STEAP1: variants seen among roughly 807,000 people sequenced by gnomAD.
STEAP1 encodes the protein STEAP family member 1.
Under a neutral mutation model 34.4 loss-of-function variants are expected in STEAP1, and 30 were observed. The ratio of observed to expected loss-of-function variants is 0.87; its 90% CI spans 0.65 to 1.18. The LOEUF (loss-of-function observed/expected upper bound fraction) is 1.18. STEAP1 is among the 50% of genes most tolerant of loss of function. The pLI is 0.00. For missense variants in STEAP1, 318 were observed against 391.1 expected (o/e 0.81, Z 1.58); for synonymous variants, 116 against 135.3 (o/e 0.86, Z 0.99).
At position 90,160,816 on chromosome 7, in the gene STEAP1, G is replaced by A. The variant is rs368900941; in HGVS notation, c.96G>A (p.Thr32=). 35 of 1,613,180 alleles carry A rather than the reference G, an allele frequency of 2.2e-5. No individual in the cohort carries two copies. The East Asian group carries it at 5.3e-4, about 25-fold the overall frequency. ...LEEDDYLHKD[T]GETSMLKRPV... is the part of the protein sequence containing the mutation. ...TCTTTCCTTTGTAGCATAAGGACAC[G>A]GGAGAGACCAGCATGCTAAAAAGAC... is the stretch of plus-strand genomic sequence containing the variant. Residue 32 remains threonine (T), a synonymous_variant, in exon 3 of 5, where the codon ACG becomes ACA. Transcript: ENST00000297205.
intron 3 of STEAP1, among the ~76,000 whole-genome samples, 169 bp downstream of exon 3, chr7:90,161,486 G>A (rs570417707): frequency 1.2e-4 from 18 of 152,064 alleles, no homozygotes; most frequent in South Asian, 6.2e-4. Flanking sequence ...GTTGTCAGTC[G>A]GTTTTATATT....
chr7:90,161,759 G>C (rs973609186), intron 3 of STEAP1, among the ~76,000 whole-genome samples, 155 bp from the exon 4 acceptor site: 3 of 150,054 alleles, frequency 2.0e-5, no homozygotes, highest in African/African-American at 7.3e-5. Context: ...ATTTGTCTTA[G>C]AGGAATGCAA....
chr7:90,160,997 G>A lies in STEAP1; in HGVS notation c.277G>A (p.Glu93Lys), dbSNP rs757361648. 1.9e-6 allele frequency: 3 copies of A among 1,613,948 alleles called. No homozygotes were observed. The change falls in exon 3 of 5, where the codon GAA (glutamate) becomes AAA (lysine). Residue 93 changes from glutamate (E) to lysine (K), a missense_variant. Transcript: ENST00000297205. ...GACTTTTCTTTACACTCTTCTGAGG[G>A]AAGTAATTCACCCTTTAGCAACTTC... Reference protein sequence around the residue: ...SLTFLYTLLREVIHPLATSHQ... With the variant: ...SLTFLYTLLRKVIHPLATSHQ...
intron 2 of STEAP1, among the ~76,000 whole-genome samples, chr7:90,160,101 C>T (rs1449368447): frequency 1.3e-5 from 2 of 151,736 alleles, no homozygotes; most frequent in Non-Finnish European, 2.9e-5. Context: ...GAATAAGTTA[C>T]TGAAAATCTG....
chr7:90,163,266 G>A (rs1794209980), intron 4 of STEAP1, among the ~76,000 whole-genome samples: 1 of 152,182 alleles, frequency 6.6e-6, no homozygotes, highest in Non-Finnish European at 1.5e-5. Flanking sequence ...TAATTTTGTA[G>A]GTTCAGCCTG....
In STEAP1 at chr7:90,161,113, G is replaced by T; in HGVS notation, c.393G>T (p.Leu131=). ...VSITLLALVY[L]PGVIAAIVQL... is the part of the protein sequence containing the mutation. ...TCACTCTCTTGGCATTGGTTTACCT[G>T]CCAGGTGTGATAGCAGCAATTGTCC... The change falls in exon 3 of 5, where the codon CTG becomes CTT. Residue 131 remains leucine, a synonymous_variant. Coordinates refer to ENST00000297205, the MANE Select transcript of STEAP1 (RefSeq NM_012449.3). 2 of 1,554,408 alleles carry T rather than the reference G, an allele frequency of 1.3e-6. No homozygotes were observed. Among genetic ancestry groups the T allele is most frequent in the East Asian group, 2.2e-5 (1 of 44,886 alleles).
At chr7:90,162,824 G>A (rs1794204795) in intron 4 of STEAP1, 1 of 203,952 alleles carries the variant, frequency 4.9e-6, no homozygotes, top group Admixed American at 4.7e-5. Context: ...AAATAATAGA[G>A]TTTTTATCTA....
At position 90,161,198 on chromosome 7, in the gene STEAP1, A is replaced by T; in HGVS notation, c.478A>T (p.Thr160Ser). The change falls in exon 3 of 5, where the codon ACA becomes TCA. Residue 160 changes from threonine (T) to serine (S), a missense_variant. Thr to Ser is a moderately conservative substitution (Grantham distance 58). Coordinates refer to ENST00000297205, the MANE Select transcript of STEAP1 (RefSeq NM_012449.3). ...FPHWLDKWMLTRKQFGLLSFF... is the reference protein window; with the variant it reads ...FPHWLDKWMLSRKQFGLLSFF... Reference sequence around the variant, plus strand: ...ACATTGGTTGGATAAGTGGATGTTAACAAGAAAGCAGTTTGGGCTTCTCAG... The same window carrying T: ...ACATTGGTTGGATAAGTGGATGTTATCAAGAAAGCAGTTTGGGCTTCTCAG... 1 of 1,614,114 alleles carries T rather than the reference A, an allele frequency of 6.2e-7. No individual in the cohort carries two copies. Among genetic ancestry groups the T allele is most frequent in the Non-Finnish European group, 8.5e-7 (1 of 1,179,956 alleles).
rs1794181586 is a variant in STEAP1, at chr7:90,161,201, A to G, written c.481A>G (p.Arg161Gly). ...PHWLDKWMLT[R>G]KQFGLLSFFF... ...TTGGTTGGATAAGTGGATGTTAACA[A>G]GAAAGCAGTTTGGGCTTCTCAGTTT... The change falls in exon 3 of 5, where the codon AGA becomes GGA. Residue 161 changes from arginine (R) to glycine (G), a missense_variant. By Grantham distance (125) the Arg-to-Gly change is moderately radical (BLOSUM62 -2). Coordinates refer to ENST00000297205, the MANE Select transcript of STEAP1 (RefSeq NM_012449.3). The G allele has an allele frequency of 6.2e-7, 1 of 1,614,016 alleles. No individual in the cohort carries two copies. The highest frequency in any genetic ancestry group is 1.7e-5 in the Admixed American group (1 of 60,010).
At chr7:90,156,428 C>T (rs1268494948) in intron 1 of STEAP1, among the ~76,000 whole-genome samples, 3 of 152,142 alleles carry the variant, frequency 2.0e-5, no homozygotes, top group Admixed American at 1.3e-4. Flanking sequence ...GCTGTTGTCA[C>T]GTTAGTGCAG....
chr7:90,154,766 C>T (rs1426393650), intron 1 of STEAP1, among the ~76,000 whole-genome samples: 1 of 151,396 alleles, frequency 6.6e-6, no homozygotes, highest in East Asian at 1.9e-4. Context: ...GTGGCCGGGC[C>T]GGGGGTTGGG....
intron 4 of STEAP1, among the ~76,000 whole-genome samples, chr7:90,163,847 T>C (rs1440255089): frequency 2.0e-5 from 3 of 152,224 alleles, no homozygotes; most frequent in African/African-American, 7.2e-5. Flanking sequence ...TGTGCAGACA[T>C]TGAAAAAATT....
Position 90,161,245 on chromosome 7 carries a change from T to C in STEAP1, c.525T>C (p.His175=), listed in dbSNP as rs1794182642. 1 of 1,614,180 alleles carries C rather than the reference T, an allele frequency of 6.2e-7. No individual in the cohort carries two copies. The change falls in exon 3 of 5, where the codon CAT becomes CAC. Residue 175 remains histidine (H), a synonymous_variant. Transcript: ENST00000297205. ...GLLSFFFAVL[H]AIYSLSYPMR... ...TCAGTTTCTTTTTTGCTGTACTGCA[T>C]GCAATTTATAGTCTGTCTTACCCAA...
chr7:90,164,427 G>C (rs1486580117), intron 4 of STEAP1, 50 bp from the exon 5 acceptor site: 2 of 1,552,338 alleles, frequency 1.3e-6, no homozygotes, highest in Non-Finnish European at 1.7e-6. Flanking sequence ...GGTAGGATGG[G>C]ATAAACTCTT....
chr7:90,164,445 C>A, intron 4 of STEAP1, 32 bp from the exon 5 acceptor site: 1 of 1,572,684 alleles, frequency 6.4e-7, no homozygotes, highest in South Asian at 1.2e-5. Flanking sequence ...CTTATTGAAC[C>A]AATCTTCACC....
intron 2 of STEAP1, among the ~76,000 whole-genome samples, chr7:90,160,191 A>G (rs1794165381): frequency 6.6e-6 from 1 of 151,562 alleles, no homozygotes; most frequent in Non-Finnish European, 1.5e-5. Flanking sequence ...AACAGTCTAT[A>G]GTTCTAAGTT....
Position 90,164,696 on chromosome 7 carries a change from A to T in STEAP1, c.982A>T (p.Thr328Ser), listed in dbSNP as rs1338826675. Reference protein sequence around the residue: ...LKIRHGWEDVTKINKTEICSQ... With the variant: ...LKIRHGWEDVSKINKTEICSQ... Reference sequence around the variant, plus strand: ...GATTAGACATGGTTGGGAAGACGTCACCAAAATTAACAAAACTGAGATATG... The same window carrying T: ...GATTAGACATGGTTGGGAAGACGTCTCCAAAATTAACAAAACTGAGATATG... Residue 328 changes from threonine (T) to serine (S), a missense_variant, in exon 5 of 5, where the codon ACC becomes TCC. Physicochemically the swap from Thr to Ser is moderately conservative, Grantham distance 58. Coordinates refer to ENST00000297205, the MANE Select transcript of STEAP1 (RefSeq NM_012449.3). 3.1e-6 allele frequency: 5 copies of T among 1,613,064 alleles called. No individual in the cohort carries two copies. Among genetic ancestry groups the T allele is most frequent in the Non-Finnish European group, 4.2e-6 (5 of 1,179,680 alleles).
At chr7:90,157,477 C>G (rs1276697401) in intron 1 of STEAP1, among the ~76,000 whole-genome samples, 1 of 152,162 alleles carries the variant, frequency 6.6e-6, no homozygotes, top group Admixed American at 6.5e-5. Context: ...GGGTTCTGTG[C>G]CATCGCTAAG....
intron 4 of STEAP1, among the ~76,000 whole-genome samples, chr7:90,164,022 T>G (rs1048066149): frequency 6.6e-6 from 1 of 152,212 alleles, no homozygotes; most frequent in African/African-American, 2.4e-5. Flanking sequence ...TAATCTTCAA[T>G]CTACCTATAT....
Sources: allele counts gnomAD v4.1 joint callset (sites outside exome capture counted in the v4.1 genomes callset), GRCh38; gene constraint gnomAD v4.1.1; transcripts MANE v1.5; gene names NCBI Gene and HGNC (gene_info 2026-07-23, HGNC 2026-07-21).